Variants in DPP6 observed in about 807,000 individuals in gnomAD.
The protein encoded by DPP6 is dipeptidyl peptidase like 6, also known as A-type potassium channel modulatory protein DPP6.
DPP6 carries 69 observed loss-of-function variants against 122.6 expected under a neutral mutation model. The observed-to-expected ratio is 0.56, with a 90% CI of 0.46 to 0.69. The LOEUF is 0.69. Ranked by LOEUF, DPP6 falls within the 30% of genes least tolerant of loss-of-function variation. The pLI is 0.00. For missense variants in DPP6, 928 were observed against 1,116.9 expected (o/e 0.83, Z 2.41); for synonymous variants, 418 against 433.1 (o/e 0.97, Z 0.43).
chr7:154,302,095 G>A (rs1348522377), intron 1 of DPP6, among the ~76,000 whole-genome samples: 1 of 152,120 alleles, frequency 6.6e-6, no homozygotes, highest in Non-Finnish European at 1.5e-5. Context: ...CAAGTTATCT[G>A]TAGGTACAAG....
At chr7:154,772,707 A>C in intron 9 of DPP6, 138 bp from the exon 10 acceptor site, 1 of 1,211,968 alleles carries the variant, frequency 8.3e-7, no homozygotes, top group Non-Finnish European at 1.2e-6. Flanking sequence ...TGTTCTCCAC[A>C]TTAATTCTGC....
the DPP6 span, among the ~76,000 whole-genome samples, chr7:153,834,136 A>G: frequency 5.3e-5 from 8 of 151,902 alleles, no homozygotes; most frequent in African/African-American, 1.9e-4. Context: ...AAAACACAAA[A>G]CTTAGCCGGG....
chr7:154,053,488 C>G (rs1330996256), intron 1 of DPP6, among the ~76,000 whole-genome samples: 4 of 151,068 alleles, frequency 2.6e-5, no homozygotes. Flanking sequence ...CCTTCTCTCC[C>G]TCCCACCTGT....
chr7:154,243,227 T>A (rs4726392), intron 1 of DPP6, among the ~76,000 whole-genome samples: 106,885 of 151,860 alleles, frequency 0.7, 38,854 homozygotes, highest in African/African-American at 0.89. Context: ...AAAATTTTTT[T>A]AAAAAATTGC....
At position 154,799,388 on chromosome 7, in the gene DPP6, C is replaced by T. The variant is rs73500255; in HGVS notation, c.1300-1967C>T. ...CAGGCAATCCCCCCTGCCACATACA[C>T]ACCCTGTCACTGCTGCGCTGACCCT... On this transcript the variant is annotated intron_variant, in intron 12 of 25. Transcript: ENST00000377770. 6.1e-3 allele frequency among the ~76,000 whole-genome samples: 933 copies of T among 152,342 alleles called. 17 individuals carry two copies. The highest frequency in any genetic ancestry group is 0.022 in the African/African-American group (905 of 41,572).
At chr7:154,059,555 G>A (rs1801372273) in intron 1 of DPP6, 2 of 150,252 alleles carry the variant, frequency 1.3e-5, no homozygotes, top group African/African-American at 2.5e-5. Context: ...AGGAGCTGTG[G>A]GGTTTTGTAG....
intron 1 of DPP6, among the ~76,000 whole-genome samples, chr7:154,067,887 C>T (rs1441364570): frequency 6.6e-6 from 1 of 151,294 alleles, no homozygotes; most frequent in Non-Finnish European, 1.5e-5. Flanking sequence ...TGCCACCACA[C>T]CCACTCAAGG....
intron 10 of DPP6, among the ~76,000 whole-genome samples, chr7:154,791,311 T>C (rs932973877): frequency 4.6e-5 from 7 of 152,034 alleles, no homozygotes; most frequent in Non-Finnish European, 8.8e-5. Context: ...GACTGGGTAA[T>C]TTAGAAAGAG....
At chr7:154,104,249 G>T (rs1341579297) in intron 1 of DPP6, among the ~76,000 whole-genome samples, 1 of 152,228 alleles carries the variant, frequency 6.6e-6, no homozygotes, top group Admixed American at 6.5e-5. Flanking sequence ...AAATGCAGCT[G>T]CCCCGGACGG....
chr7:154,326,678 A>G (rs1808473160), intron 1 of DPP6, among the ~76,000 whole-genome samples: 1 of 152,260 alleles, frequency 6.6e-6, no homozygotes, highest in Non-Finnish European at 1.5e-5. Flanking sequence ...TACTGCAATC[A>G]TCGTCATACA....
At chr7:154,402,121 G>A (rs1046595837) in intron 1 of DPP6, among the ~76,000 whole-genome samples, 4 of 150,644 alleles carry the variant, frequency 2.7e-5, no homozygotes, top group Non-Finnish European at 4.5e-5. Flanking sequence ...AGGATGTGGA[G>A]AAATAGGAAC....
chr7:153,804,351 C>A, the DPP6 span, among the ~76,000 whole-genome samples: 2 of 152,106 alleles, frequency 1.3e-5, no homozygotes, highest in Admixed American at 6.6e-5. Flanking sequence ...AGTGCCCCAC[C>A]CACTAGTACT....
chr7:154,764,596 A>G (rs1413632416), intron 8 of DPP6, among the ~76,000 whole-genome samples: 2 of 152,164 alleles, frequency 1.3e-5, no homozygotes, highest in Non-Finnish European at 2.9e-5. Flanking sequence ...TTGGAGGACA[A>G]TGAGCAGGTT....
At chr7:154,276,386 G>A (rs1316467713) in intron 1 of DPP6, among the ~76,000 whole-genome samples, 1 of 152,216 alleles carries the variant, frequency 6.6e-6, no homozygotes, top group Non-Finnish European at 1.5e-5. Context: ...TGACATACGT[G>A]AAGTTGAGGA....
At chr7:154,854,452 C>T (rs187641444) in intron 17 of DPP6, among the ~76,000 whole-genome samples, 3 of 152,156 alleles carry the variant, frequency 2.0e-5, no homozygotes, top group East Asian at 1.9e-4. Context: ...CAGTGGGAGG[C>T]GATTTTTGCT....
chr7:154,499,099 G>A (rs923605862), intron 3 of DPP6, among the ~76,000 whole-genome samples: 6 of 152,220 alleles, frequency 3.9e-5, no homozygotes, highest in Non-Finnish European at 5.9e-5. Context: ...CACAGAAGTC[G>A]GGGAGGAGAA....
chr7:153,810,503 T>C, the DPP6 span, among the ~76,000 whole-genome samples: 1 of 152,108 alleles, frequency 6.6e-6, no homozygotes, highest in Non-Finnish European at 1.5e-5. Context: ...CAAATATGTA[T>C]GTTACTACAT....
chr7:154,226,203 C>T, intron 1 of DPP6, among the ~76,000 whole-genome samples: 1 of 152,182 alleles, frequency 6.6e-6, no homozygotes, highest in Non-Finnish European at 1.5e-5. Context: ...GAGTCCTCAC[C>T]AAATGGCATC....
intron 1 of DPP6, among the ~76,000 whole-genome samples, chr7:154,396,760 A>G (rs4726413): frequency 0.014 from 2,178 of 152,314 alleles, 48 homozygotes; most frequent in African/African-American, 0.048. Flanking sequence ...CCTGGCCAAC[A>G]TGCCGAAACC....
Sources: gnomAD v4.1 joint callset for allele counts (sites outside exome capture counted in the v4.1 genomes callset) on GRCh38, gnomAD v4.1.1 for gene constraint, MANE v1.5 for transcripts, NCBI Gene and HGNC (gene_info 2026-07-23, HGNC 2026-07-21) for gene names.